The following NAV1 variants were observed in gnomAD, a reference collection of about 807,000 sequenced individuals.
NAV1 encodes the protein neuron navigator 1, also known as pore membrane and/or filament interacting like protein 3.
In NAV1, 18 loss-of-function variants were observed where a neutral mutation model predicts 175.2. That is an observed-to-expected ratio of 0.10 (90% CI 0.07 to 0.15). The LOEUF (loss-of-function observed/expected upper bound fraction) is 0.15, where lower values mean the gene tolerates loss of function less well. NAV1 is among the 10% of genes least tolerant of loss of function. The probability of loss-of-function intolerance (pLI) is 1.00; values close to 1 mark genes in which losing one functional copy is unlikely to be tolerated. For missense variants in NAV1, 1,731 were observed against 2,436.6 expected (o/e 0.71, Z 6.10); for synonymous variants, 897 against 978.7 (o/e 0.92, Z 1.56).
intron 1 of NAV1, among the ~76,000 whole-genome samples, chr1:201,667,665 G>A (rs1312201571): frequency 6.6e-6 from 1 of 152,188 alleles, no homozygotes; most frequent in Non-Finnish European, 1.5e-5. Context: ...CCTGACCCAT[G>A]AATTTTTAAA....
At chr1:201,642,088 CTCCT>C (rs542116931) in intron 2 of NAV1, among the ~76,000 whole-genome samples, 42 of 146,664 alleles carry the variant, frequency 2.9e-4, no homozygotes, top group Non-Finnish European at 5.8e-4. Context: ...CCCTCCCTCC[CTCCT>C]TCCTTCCCTT....
intron 1 of NAV1, among the ~76,000 whole-genome samples, chr1:201,703,755 G>C (rs1043210435): frequency 5.9e-5 from 9 of 152,208 alleles, no homozygotes; most frequent in African/African-American, 1.9e-4. Context: ...GCCTGAACTA[G>C]CCATCCGCGT....
chr1:201,670,380 CAAAAAAAAAAAA>C (rs58216500), intron 1 of NAV1, among the ~76,000 whole-genome samples: 140 of 12,186 alleles, frequency 0.011, no homozygotes, highest in Non-Finnish European at 0.017. Flanking sequence ...GACTCCATCT[CAAAAAAAAAAAA>C]AAAAAAAAAA....
chr1:201,712,966 C>T, intron 2 of NAV1, 47 bp downstream of exon 6: 2 of 1,454,636 alleles, frequency 1.4e-6, no homozygotes, highest in Non-Finnish European at 1.9e-6. Flanking sequence ...CTTCCTGGCT[C>T]TCCACCCCAT....
At chr1:201,809,922 T>C (rs1678583656) in intron 22 of NAV1, 24 bp from the exon 27 acceptor site, 1 of 1,600,904 alleles carries the variant, frequency 6.2e-7, no homozygotes, top group African/African-American at 1.3e-5. Context: ...ATTTTCTTCT[T>C]CTTCTGCCTG....
rs148297132 is a variant in NAV1 at position 201,588,803 on chromosome 1, G to C, written c.-33+154G>C. Among the ~76,000 whole-genome samples the C allele has an allele frequency of 1.7e-3, 255 of 152,204 alleles. 1 individual carries two copies. The highest frequency in any genetic ancestry group is 5.8e-3 in the African/African-American group (242 of 41,532). On this transcript the variant is annotated intron_variant, in intron 2 of 33. Coordinates refer to the NAV1 transcript ENST00000685211. ...ATTAGTAGTGATGGTTGCATACTTA[G>C]TGAGTATACTAAAAACAAATCAATT...
intron 3 of NAV1, among the ~76,000 whole-genome samples, chr1:201,756,105 C>CAAA (rs768758177): frequency 3.9e-3 from 221 of 56,762 alleles, no homozygotes; most frequent in African/African-American, 0.012. Context: ...AACTCTGTCT[C>CAAA]AAAAAAAAAA....
intron 1 of NAV1, among the ~76,000 whole-genome samples, chr1:201,702,737 TTCTGA>T (rs1246808722): frequency 7.8e-5 from 11 of 140,840 alleles, no homozygotes; most frequent in Admixed American, 1.4e-4. Flanking sequence ...TCTCTCCCCA[TTCTGA>T]CTAGTGGCGA....
In NAV1 at chr1:201,813,829, G is replaced by A. The variant is rs1214650314; in HGVS notation, c.5340+571G>A. The stretch of plus-strand genomic sequence containing the variant: ...TCCCAGCACTGTGGGAGGCCGAGGC[G>A]GGCAGATCACCAGGTCAGGAGATCA... On this transcript the variant is annotated intron_variant, in intron 28 of 29. Transcript: ENST00000367296. The surrounding 1 kb of genome is among the most constrained non-coding windows in gnomAD (Gnocchi z 4.2). Among the ~76,000 whole-genome samples the A allele has an allele frequency of 1.3e-5, 2 of 152,096 alleles. No homozygotes were observed. Among genetic ancestry groups the A allele is most frequent in the African/African-American group, 4.8e-5 (2 of 41,394 alleles).
chr1:201,777,637 G>A lies in NAV1; in HGVS notation c.1227-2784G>A, dbSNP rs75155347. ...CATTCAAATGTAATAGTGGGTTTTTGTTGTTGTTGTTGTTGTTGTTTAAAG... is the reference window on the plus strand; with the variant it reads ...CATTCAAATGTAATAGTGGGTTTTTATTGTTGTTGTTGTTGTTGTTTAAAG... On this transcript the variant is annotated intron_variant, in intron 3 of 29. Transcript: ENST00000367296. 2.1e-3 allele frequency among the ~76,000 whole-genome samples: 155 copies of A among 74,104 alleles called. 1 individual carries two copies. Among genetic ancestry groups the A allele is most frequent in the Non-Finnish European group, 5.0e-3 (122 of 24,636 alleles). 48.6% of individuals were successfully genotyped at this position (74,104 alleles called of 152,430 possible).
In NAV1 at chr1:201,782,809, A is replaced by G; in HGVS notation, c.2297A>G (p.Lys766Arg). 4.3e-6 allele frequency: 7 copies of G among 1,609,732 alleles called. No homozygotes were observed. The highest frequency in any genetic ancestry group is 5.9e-6 in the Non-Finnish European group (7 of 1,177,106). The change falls in exon 6 of 30, where the codon AAG becomes AGG. Residue 766 changes from lysine to arginine, a missense_variant. By Grantham distance (26) the Lys-to-Arg change is conservative. Coordinates refer to ENST00000367296, the Ensembl canonical transcript of NAV1. This position sits in a 1 kb window ranked among gnomAD's most constrained non-coding sequence, Gnocchi z 5.4. ...ATTGGCTCCCCAGAAAGTACTCCCA[A>G]GAACCAAGCAAGCCACCCCACAGCC...
chr1:201,541,232 A>T (rs1395028955), intron 1 of NAV1, among the ~76,000 whole-genome samples: 1 of 152,244 alleles, frequency 6.6e-6, no homozygotes, highest in East Asian at 1.9e-4. Context: ...CTCAGCACAC[A>T]GTAGGCACTT....
At chr1:201,566,618 C>T (rs542554733) in intron 1 of NAV1, among the ~76,000 whole-genome samples, 5 of 152,310 alleles carry the variant, frequency 3.3e-5, no homozygotes, top group South Asian at 4.1e-4. Context: ...CTTGGGATGA[C>T]GCTGTTGGAT....
chr1:201,760,450 A>G (rs1422043427), intron 3 of NAV1, among the ~76,000 whole-genome samples: 3 of 152,234 alleles, frequency 2.0e-5, no homozygotes, highest in African/African-American at 7.2e-5. Context: ...ACTCTCCATA[A>G]CCAGCCTGAA....
intron 3 of NAV1, among the ~76,000 whole-genome samples, chr1:201,765,931 A>G (rs915913814): frequency 6.6e-6 from 1 of 152,210 alleles, no homozygotes; most frequent in African/African-American, 2.4e-5. Flanking sequence ...AGCATTTGAG[A>G]ATTGAACAAA....
chr1:201,622,543 A>G (rs973432550), upstream of NAV1, among the ~76,000 whole-genome samples: 2 of 152,216 alleles, frequency 1.3e-5, no homozygotes, highest in Non-Finnish European at 2.9e-5. Flanking sequence ...GTCCCCAATC[A>G]GTGAACAGGA....
At position 201,629,350 on chromosome 1, in the gene NAV1, C is replaced by T. The variant is rs1268150474; in HGVS notation, c.-100-54C>T. On this transcript the variant is annotated intron_variant, in intron 1 of 29. Transcript: ENST00000367302. Reference sequence around the variant, plus strand: ...GGGTTTTCTTAGCCCCATGGAGGGGCTTAGAGACCAGGACATCTCTACCAT... The same window carrying T: ...GGGTTTTCTTAGCCCCATGGAGGGGTTTAGAGACCAGGACATCTCTACCAT... The T allele has an allele frequency of 1.1e-5, 13 of 1,216,796 alleles. No individual in the cohort carries two copies. In the South Asian group the frequency reaches 1.3e-4, roughly 12 times the overall value. The allele number at this position is 1,216,796 out of a possible 1,614,324, so 75.4% of individuals were successfully genotyped here. A position where few individuals can be genotyped will look rare whatever the true frequency, so the allele number is the denominator to read the frequency against.
chr1:201,682,325 C>T (rs1431756867), intron 1 of NAV1, among the ~76,000 whole-genome samples: 1 of 152,052 alleles, frequency 6.6e-6, no homozygotes, highest in African/African-American at 2.4e-5. Context: ...CCCCATGGTC[C>T]CCCACCCCTA....
chr1:201,737,370 G>A (rs1159628412), intron 3 of NAV1: 1 of 152,236 alleles, frequency 6.6e-6, no homozygotes, highest in African/African-American at 2.4e-5. Context: ...CTTGCCTTCT[G>A]TTGGGTTCTG....
Sources: allele counts gnomAD v4.1 joint callset (sites outside exome capture counted in the v4.1 genomes callset), GRCh38; gene constraint gnomAD v4.1.1; non-coding constraint Gnocchi (gnomAD v3.1); transcripts MANE v1.5; gene names NCBI Gene and HGNC (gene_info 2026-07-23, HGNC 2026-07-21).